PCNX1: variants seen among roughly 807,000 people sequenced by gnomAD.
The protein encoded by PCNX1 is pecanex 1.
PCNX1 carries 78 observed loss-of-function variants against 242.2 expected under a neutral mutation model. The ratio of observed to expected loss-of-function variants is 0.32; its 90% CI spans 0.27 to 0.39. The LOEUF (loss-of-function observed/expected upper bound fraction) is 0.39, where lower values mean the gene tolerates loss of function less well. Among genes scored for constraint, PCNX1 ranks in the 10% least tolerant of loss-of-function variants. The probability of loss-of-function intolerance (pLI) is 1.00; values close to 1 mark genes in which losing one functional copy is unlikely to be tolerated. For missense variants in PCNX1, 2,581 were observed against 2,856.5 expected (o/e 0.90, Z 2.20); for synonymous variants, 1,024 against 1,032.9 (o/e 0.99, Z 0.17).
intron 22 of PCNX1, chr14:71,049,018 G>T (rs183937246): frequency 1.7e-3 from 1,648 of 955,746 alleles, no homozygotes; most frequent in Non-Finnish European, 1.9e-3. Context: ...AAAGGAGGAA[G>T]CCAGAAAATT....
chr14:71,077,960 G>C (rs2061759387), intron 28 of PCNX1, among the ~76,000 whole-genome samples: 1 of 152,040 alleles, frequency 6.6e-6, no homozygotes, highest in African/African-American at 2.4e-5. Flanking sequence ...TCAGGAACAG[G>C]GTTCCATCCT....
intron 5 of PCNX1, among the ~76,000 whole-genome samples, chr14:70,969,648 C>T (rs2058481479): frequency 6.6e-6 from 1 of 152,048 alleles, no homozygotes; most frequent in Non-Finnish European, 1.5e-5. Context: ...CTGTGGACTG[C>T]CCTATCTAAC....
At chr14:70,972,216 A>G (rs1473739780) in intron 5 of PCNX1, among the ~76,000 whole-genome samples, 6 of 149,690 alleles carry the variant, frequency 4.0e-5, no homozygotes. Flanking sequence ...GGGCCCGCCA[A>G]CTGAAAGGGG....
chr14:70,937,650 G>GT (rs1259066841), intron 1 of PCNX1, among the ~76,000 whole-genome samples: 1 of 152,150 alleles, frequency 6.6e-6, no homozygotes, highest in African/African-American at 2.4e-5. Flanking sequence ...CTTTAAAGTA[G>GT]TTTTTTTCCA....
rs774869429 is a variant in PCNX1 at position 71,063,911 on chromosome 14, T to G, written c.4852+6187T>G. On this transcript the variant is annotated intron_variant, in intron 26 of 35. Transcript: ENST00000304743. ...GTGAAAAATTTGGGTTATCAGTCAT[T>G]TTTTGTCTATATCAGAATTTTCTGA... Among the ~76,000 whole-genome samples the G allele has an allele frequency of 9.9e-5, 15 of 152,158 alleles. No homozygotes were observed. The South Asian group carries it at 1.7e-3, about 17-fold the overall frequency.
intron 1 of PCNX1, among the ~76,000 whole-genome samples, chr14:70,946,163 C>T (rs1328314620): frequency 1.3e-5 from 2 of 152,108 alleles, no homozygotes; most frequent in Non-Finnish European, 2.9e-5. Context: ...TTCTTTTATT[C>T]TTTTTGTTTG....
intron 19 of PCNX1, among the ~76,000 whole-genome samples, chr14:71,038,665 G>A (rs895406262): frequency 5.3e-5 from 8 of 150,722 alleles, no homozygotes; most frequent in East Asian, 1.9e-4. Flanking sequence ...TCAGTGTGGC[G>A]ATTCCTCAGG....
At chr14:71,005,518 AGGG>A (rs963824324) in intron 8 of PCNX1, among the ~76,000 whole-genome samples, 1 of 146,960 alleles carries the variant, frequency 6.8e-6, no homozygotes, top group Non-Finnish European at 1.5e-5. Context: ...AAAAAAAAAA[AGGG>A]GGGGTGGGGA....
chr14:71,039,533 C>A (rs940142750), intron 19 of PCNX1, among the ~76,000 whole-genome samples: 1 of 152,168 alleles, frequency 6.6e-6, no homozygotes, highest in East Asian at 1.9e-4. Flanking sequence ...CTTTTATAAC[C>A]TGGTATTGGA....
intron 19 of PCNX1, 45 bp downstream of exon 19, chr14:71,036,202 A>C: frequency 4.1e-6 from 5 of 1,217,074 alleles, no homozygotes; most frequent in Non-Finnish European, 6.1e-6. Context: ...TGTTTGAGAC[A>C]GGGTCTCACT....
At chr14:70,937,766 G>T (rs542419195) in intron 1 of PCNX1, among the ~76,000 whole-genome samples, 2 of 152,308 alleles carry the variant, frequency 1.3e-5, no homozygotes, top group East Asian at 3.9e-4. Context: ...CTATCCATGA[G>T]CATGGAATGT....
chr14:71,051,939 A>G lies in PCNX1; in HGVS notation c.4504A>G (p.Asn1502Asp). ...CTCGGCCTTCTTCTCTACTCCACTG[A>G]ACCCCTTTCTGGGAAGTGCAATATT... ...AVSAFFSTPL[N>D]PFLGSAIFIT... The change falls in exon 24 of 36, where the codon AAC becomes GAC. Residue 1502 changes from asparagine (N) to aspartate (D), a missense_variant. Asn to Asp is a conservative substitution (Grantham distance 23, BLOSUM62 1). This residue lies in a region of PCNX1 where 99 missense variants were observed against 147.3 expected (regional missense o/e 0.67). Coordinates refer to ENST00000304743, the MANE Select transcript of PCNX1 (RefSeq NM_014982.3). 2 of 1,613,644 alleles carry G rather than the reference A, an allele frequency of 1.2e-6. No individual in the cohort carries two copies. The highest frequency in any genetic ancestry group is 1.7e-6 in the Non-Finnish European group (2 of 1,179,648).
At chr14:70,995,653 G>A in intron 7 of PCNX1, 88 bp from the exon 8 acceptor site, 2 of 1,227,698 alleles carry the variant, frequency 1.6e-6, no homozygotes, top group Admixed American at 2.4e-5. Flanking sequence ...GTGCCTTTTT[G>A]AAATCAGTTT....
At chr14:71,074,990 CTTTT>C (rs900279128) in intron 27 of PCNX1, among the ~76,000 whole-genome samples, 150 of 101,118 alleles carry the variant, frequency 1.5e-3, no homozygotes, top group African/African-American at 5.5e-3. Flanking sequence ...CTTTTCTTCT[CTTTT>C]TTTTTTTTTT....
chr14:71,053,452 G>A (rs2061096216), intron 24 of PCNX1: 4 of 348,216 alleles, frequency 1.1e-5, no homozygotes, highest in Non-Finnish European at 2.2e-5. Flanking sequence ...CGAGTAGCTG[G>A]GATTACAGGC....
chr14:71,079,111 G>A (rs1030780030), intron 28 of PCNX1, among the ~76,000 whole-genome samples: 4 of 152,114 alleles, frequency 2.6e-5, no homozygotes, highest in African/African-American at 4.8e-5. Context: ...TTGGTTTTCT[G>A]TCCCTGTGTT....
intron 28 of PCNX1, among the ~76,000 whole-genome samples, chr14:71,077,570 G>A (rs1263370232): frequency 6.6e-6 from 1 of 152,010 alleles, no homozygotes; most frequent in African/African-American, 2.4e-5. Flanking sequence ...CTTCCTTTCT[G>A]AGCAGTGGCC....
rs759235589 is a variant in PCNX1, at chr14:71,033,918, T to C, written c.3669-13T>C. On this transcript the variant is annotated splice_polypyrimidine_tract_variant and intron_variant, in intron 17 of 35. Coordinates refer to ENST00000304743, the MANE Select transcript of PCNX1 (RefSeq NM_014982.3). Reference sequence around the variant, plus strand: ...TATCTATGTATTTTCTGTTTTTTTTTCTTCACATAAAGCTCTTTAGTGCAA... The same window carrying C: ...TATCTATGTATTTTCTGTTTTTTTTCCTTCACATAAAGCTCTTTAGTGCAA... 18 of 1,419,950 alleles carry C rather than the reference T, an allele frequency of 1.3e-5. No individual in the cohort carries two copies. Among genetic ancestry groups the C allele is most frequent in the South Asian group, 6.2e-5 (5 of 81,166 alleles). 88.0% of individuals were successfully genotyped at this position (1,419,950 alleles called of 1,614,324 possible).
intron 11 of PCNX1, among the ~76,000 whole-genome samples, chr14:71,014,531 C>T (rs2059908600): frequency 6.6e-6 from 1 of 152,166 alleles, no homozygotes; most frequent in African/African-American, 2.4e-5. Context: ...ATAGAAGATA[C>T]TTTTAAAAGT....
Sources: gnomAD v4.1 joint callset for allele counts (sites outside exome capture counted in the v4.1 genomes callset) on GRCh38, gnomAD v4.1.1 for gene constraint, gnomAD v4.1.1 regional missense constraint, MANE v1.5 for transcripts, NCBI Gene and HGNC (gene_info 2026-07-23, HGNC 2026-07-21) for gene names.